The following DSCAML1 variants were observed in gnomAD, a reference collection of about 807,000 sequenced individuals.
The protein encoded by DSCAML1 is DS cell adhesion molecule like 1, also known as cell adhesion molecule DSCAML1.
Under a neutral mutation model 200.5 loss-of-function variants are expected in DSCAML1, and 38 were observed. The ratio of observed to expected loss-of-function variants is 0.19; its 90% CI spans 0.15 to 0.25. The LOEUF (loss-of-function observed/expected upper bound fraction) is 0.25. Among genes scored for constraint, DSCAML1 ranks in the 10% least tolerant of loss-of-function variants. DSCAML1 has a pLI of 1.00. For missense variants in DSCAML1, 2,223 were observed against 2,858.8 expected (o/e 0.78, Z 5.07); for synonymous variants, 1,215 against 1,165.0 (o/e 1.04, Z -0.87).
At chr11:117,455,437 G>A (rs2048353246) in intron 19 of DSCAML1, among the ~76,000 whole-genome samples, 1 of 152,164 alleles carries the variant, frequency 6.6e-6, no homozygotes, top group Admixed American at 6.5e-5. Context: ...CTTTAAAGTG[G>A]TTTAAAATCC....
chr11:117,597,172 A>T (rs980755860), intron 3 of DSCAML1, among the ~76,000 whole-genome samples: 3 of 152,244 alleles, frequency 2.0e-5, no homozygotes, highest in Admixed American at 1.3e-4. Context: ...TTTATTACAA[A>T]TAACAAAATG....
In DSCAML1 at chr11:117,516,730, C is replaced by T. The variant is rs776785429; in HGVS notation, c.1520G>A (p.Ser507Asn). ...TGTGATGTTCCGCATAGCCCGGATG[C>T]TGGGTGGGCCTGGGCAGGAGTCAGA... Reference protein sequence around the residue: ...QARINVRGPPSIRAMRNITAV... With the variant: ...QARINVRGPPNIRAMRNITAV... Residue 507 changes from serine (S) to asparagine (N), a missense_variant, in exon 8 of 33, where the codon AGC (serine) becomes AAC (asparagine). Coordinates refer to ENST00000651296, the MANE Select transcript of DSCAML1 (RefSeq NM_020693.4). The surrounding 1 kb of genome is among the most constrained non-coding windows in gnomAD (Gnocchi z 5.7). 1 of 1,612,144 alleles carries T rather than the reference C, an allele frequency of 6.2e-7. No individual in the cohort carries two copies. Among genetic ancestry groups the T allele is most frequent in the Non-Finnish European group, 8.5e-7 (1 of 1,178,924 alleles).
chr11:117,756,864 A>T (rs746890597), intron 3 of DSCAML1, among the ~76,000 whole-genome samples: 2 of 152,182 alleles, frequency 1.3e-5, no homozygotes, highest in Non-Finnish European at 2.9e-5. Flanking sequence ...ACAACAGGGC[A>T]CGCTCAGCGG....
At chr11:117,462,989 G>C (rs968320839) in intron 17 of DSCAML1, among the ~76,000 whole-genome samples, 2 of 152,268 alleles carry the variant, frequency 1.3e-5, no homozygotes, top group African/African-American at 4.8e-5. Context: ...TGTTTGGACA[G>C]AGGCCAGAGG....
chr11:117,473,076 A>G (rs1434192257), intron 14 of DSCAML1, among the ~76,000 whole-genome samples: 3 of 152,240 alleles, frequency 2.0e-5, no homozygotes, highest in African/African-American at 7.2e-5. Flanking sequence ...TTAAACCCAC[A>G]GTAGAGTATC....
intron 20 of DSCAML1, among the ~76,000 whole-genome samples, chr11:117,446,871 TA>T (rs2048189344): frequency 6.6e-6 from 1 of 152,204 alleles, no homozygotes; most frequent in Non-Finnish European, 1.5e-5. Flanking sequence ...AATATGTGCA[TA>T]AAGATTTCTG....
chr11:117,473,719 G>A (rs928510647), intron 14 of DSCAML1, among the ~76,000 whole-genome samples: 2 of 152,140 alleles, frequency 1.3e-5, no homozygotes, highest in Admixed American at 6.6e-5. Context: ...TTGGTTTCAC[G>A]AGCCAGAGAA....
intron 8 of DSCAML1, among the ~76,000 whole-genome samples, chr11:117,508,267 C>T (rs558668799): frequency 6.6e-5 from 10 of 152,308 alleles, no homozygotes; most frequent in African/African-American, 2.4e-4. Context: ...TCCTTCCACA[C>T]AGCCCTGAAG....
At chr11:117,589,299 C>T (rs2051211695) in intron 3 of DSCAML1, among the ~76,000 whole-genome samples, 1 of 152,214 alleles carries the variant, frequency 6.6e-6, no homozygotes, top group Non-Finnish European at 1.5e-5. Flanking sequence ...GCACGGGCAG[C>T]CCGTCCTCCT....
intron 3 of DSCAML1, among the ~76,000 whole-genome samples, chr11:117,559,825 A>G (rs2050628239): frequency 6.6e-6 from 1 of 151,998 alleles, no homozygotes; most frequent in Non-Finnish European, 1.5e-5. Flanking sequence ...AAGCCACAGC[A>G]GGGCTCACCA....
At chr11:117,646,941 C>T (rs113518581) in intron 3 of DSCAML1, among the ~76,000 whole-genome samples, 53 of 152,190 alleles carry the variant, frequency 3.5e-4, no homozygotes, top group African/African-American at 1.2e-3. Context: ...CCAGACTGAT[C>T]GTGACGTGAG....
At chr11:117,674,151 C>T (rs188538685) in intron 3 of DSCAML1, among the ~76,000 whole-genome samples, 23 of 152,344 alleles carry the variant, frequency 1.5e-4, no homozygotes, top group African/African-American at 5.5e-4. Context: ...ATCCTCTCGG[C>T]TGTATTTAGC....
At chr11:117,596,452 GGAGGAGA>G (rs1364426184) in intron 3 of DSCAML1, among the ~76,000 whole-genome samples, 3 of 138,158 alleles carry the variant, frequency 2.2e-5, no homozygotes, top group Non-Finnish European at 5.0e-5. Context: ...GTCCGGTTGA[GGAGGAGA>G]GAGAGAGAAG....
rs144042941 is a variant in DSCAML1 at position 117,607,937 on chromosome 11, G to A, written c.512-75415C>T. 2.1e-3 allele frequency among the ~76,000 whole-genome samples: 319 copies of A among 152,310 alleles called. 1 individual carries two copies. The highest frequency in any genetic ancestry group is 7.2e-3 in the African/African-American group (299 of 41,568). On this transcript the variant is annotated intron_variant, in intron 3 of 32. Transcript: ENST00000651296. Reference sequence around the variant, plus strand: ...TGTATGCATGAAATCCCACCAGAGCGTTTAAACTGGAAGATGGTTTAAATT... The same window carrying A: ...TGTATGCATGAAATCCCACCAGAGCATTTAAACTGGAAGATGGTTTAAATT...
intron 1 of DSCAML1, among the ~76,000 whole-genome samples, chr11:117,810,253 GA>G (rs1399807508): frequency 2.5e-4 from 38 of 151,966 alleles, no homozygotes; most frequent in Middle Eastern, 3.4e-3. Context: ...AAACTCCGTG[GA>G]CTCAAAACTC....
chr11:117,445,753 T>C (rs1188305594), intron 20 of DSCAML1, among the ~76,000 whole-genome samples: 2 of 152,302 alleles, frequency 1.3e-5, no homozygotes, highest in African/African-American at 4.8e-5. Flanking sequence ...CCTGAGTGTA[T>C]ATTTGTGCCT....
chr11:117,430,593 C>T (rs2047766273), intron 32 of DSCAML1, 129 bp downstream of exon 32: 2 of 1,091,048 alleles, frequency 1.8e-6, no homozygotes, highest in Admixed American at 2.6e-5. Context: ...TGGTACCACC[C>T]TGCACTGCCA....
chr11:117,681,925 A>C (rs10892160), intron 3 of DSCAML1, among the ~76,000 whole-genome samples: 3 of 152,078 alleles, frequency 2.0e-5, no homozygotes, highest in African/African-American at 7.2e-5. Flanking sequence ...GCCCTGTCCC[A>C]GTCTCTCTCT....
intron 3 of DSCAML1, among the ~76,000 whole-genome samples, chr11:117,618,519 C>T (rs535900387): frequency 2.0e-5 from 3 of 152,270 alleles, no homozygotes; most frequent in African/African-American, 7.2e-5. Flanking sequence ...TGACAATGCC[C>T]ACTTCCTATA....
Sources: gnomAD v4.1 joint callset for allele counts (sites outside exome capture counted in the v4.1 genomes callset) on GRCh38, gnomAD v4.1.1 for gene constraint, Gnocchi (gnomAD v3.1) non-coding constraint, MANE v1.5 for transcripts, NCBI Gene and HGNC (gene_info 2026-07-23, HGNC 2026-07-21) for gene names.